Variants in PAQR3 observed in about 807,000 individuals in gnomAD.
PAQR3 encodes the protein Raf kinase trapping to Golgi.
A neutral mutation model predicts 41.7 loss-of-function variants in PAQR3; 39 were observed. The observed-to-expected ratio is 0.93, with a 90% CI of 0.72 to 1.22. The LOEUF (loss-of-function observed/expected upper bound fraction) is 1.22, where lower values mean the gene tolerates loss of function less well. Ranked by LOEUF, PAQR3 falls within the 50% of genes most tolerant of loss-of-function variation. The pLI is 0.00. For synonymous variants in PAQR3, 140 were observed against 140.6 expected (o/e 1.00, Z 0.03); for missense variants, 366 against 385.6 (o/e 0.95, Z 0.42).
At chr4:78,938,114 A>G in intron 1 of PAQR3, among the ~76,000 whole-genome samples, 1 of 152,232 alleles carries the variant, frequency 6.6e-6, no homozygotes, top group East Asian at 1.9e-4. Flanking sequence ...TGGAAAAATC[A>G]AGAATCAGAC....
In PAQR3 at chr4:78,918,666, A is replaced by G; in HGVS notation, c.*1873T>C. 1 of 951,980 alleles carries G rather than the reference A, an allele frequency of 1.1e-6. No homozygotes were observed. Among genetic ancestry groups the G allele is most frequent in the Non-Finnish European group, 1.3e-6 (1 of 799,500 alleles). The allele number at this position is 951,980 out of a possible 1,614,324, so 59.0% of individuals were successfully genotyped here. On this transcript the variant is annotated 3_prime_UTR_variant, in exon 6 of 6. Coordinates refer to ENST00000512733, the MANE Select transcript of PAQR3 (RefSeq NM_001040202.2). ...ATGGCAAGTATGTATTCATATACTAATACAGGGACTGCAAAAATTGAAATG... is the reference window on the plus strand; with the variant it reads ...ATGGCAAGTATGTATTCATATACTAGTACAGGGACTGCAAAAATTGAAATG...
chr4:78,925,926 A>T (rs1736169581), intron 4 of PAQR3, among the ~76,000 whole-genome samples: 1 of 152,278 alleles, frequency 6.6e-6, no homozygotes, highest in African/African-American at 2.4e-5. Flanking sequence ...TCTAACAAAT[A>T]GCTCTTCTTT....
intron 11 of PAQR3, among the ~76,000 whole-genome samples, chr4:78,903,343 T>G (rs985709358): frequency 6.6e-6 from 1 of 152,044 alleles, no homozygotes; most frequent in South Asian, 2.1e-4. Context: ...AATGCATAAA[T>G]GTACATAATT....
intron 11 of PAQR3, among the ~76,000 whole-genome samples, chr4:78,891,095 C>T (rs537683715): frequency 1.6e-4 from 24 of 152,216 alleles, no homozygotes; most frequent in African/African-American, 5.8e-4. Context: ...TAAACTGATA[C>T]CTGATTGATA....
chr4:78,903,344 G>T (rs1033301624), intron 11 of PAQR3, among the ~76,000 whole-genome samples: 1 of 151,876 alleles, frequency 6.6e-6, no homozygotes, highest in Non-Finnish European at 1.5e-5. Context: ...ATGCATAAAT[G>T]TACATAATTA....
Position 78,918,167 on chromosome 4 carries a change from CT to C in PAQR3, c.*2371del. 2.1e-6 allele frequency: 2 copies of C among 949,432 alleles called. No homozygotes were observed. The highest frequency in any genetic ancestry group is 1.3e-6 in the Non-Finnish European group (1 of 796,982). The allele number at this position is 949,432 out of a possible 1,614,324, so 58.8% of individuals were successfully genotyped here. A position where few individuals can be genotyped will look rare whatever the true frequency, so the allele number is the denominator to read the frequency against. ...AAATGTAAAATCTGTAGGCAAAAAG[CT>C]TTTATAGTTCACACATTGGTAAAAT... On this transcript the variant is annotated 3_prime_UTR_variant, in exon 6 of 6. Coordinates refer to ENST00000512733, the MANE Select transcript of PAQR3 (RefSeq NM_001040202.2).
At position 78,930,799 on chromosome 4, in the gene PAQR3, A is replaced by G. The variant is rs193087179; in HGVS notation, c.349-474T>C. On this transcript the variant is annotated intron_variant, in intron 2 of 5. Coordinates refer to ENST00000512733, the MANE Select transcript of PAQR3 (RefSeq NM_001040202.2). ...TATTCCCCAGAGGTGGCCAGTGATA[A>G]CATTTTTTATGTGTCTTTCCAGATA... 6.7e-3 allele frequency among the ~76,000 whole-genome samples: 1,013 copies of G among 152,116 alleles called. 9 individuals are homozygous for G. Among genetic ancestry groups the G allele is most frequent in the Non-Finnish European group, 0.011 (716 of 67,980 alleles).
intron 11 of PAQR3, among the ~76,000 whole-genome samples, chr4:78,889,963 C>T (rs940387312): frequency 2.0e-5 from 3 of 152,078 alleles, no homozygotes; most frequent in Non-Finnish European, 4.4e-5. Context: ...ATCTAGTGTT[C>T]CTTACACTGG....
At chr4:78,911,259 CAAG>C (rs772151373), downstream of PAQR3, 2 of 1,613,930 alleles carry the variant, frequency 1.2e-6, no homozygotes, top group Admixed American at 3.3e-5. Flanking sequence ...CGCCTTTTAG[CAAG>C]AAGGTGAATG....
In PAQR3 at chr4:78,918,650, A is replaced by G; in HGVS notation, c.*1889T>C. 1.1e-6 allele frequency: 1 copy of G among 947,300 alleles called. No homozygotes were observed. Among genetic ancestry groups the G allele is most frequent in the Non-Finnish European group, 1.3e-6 (1 of 795,154 alleles). The allele number at this position is 947,300 out of a possible 1,614,324, so 58.7% of individuals were successfully genotyped here. Reference sequence around the variant, plus strand: ...CATGTTATTAATTCAAATGGCAAGTATGTATTCATATACTAATACAGGGAC... The same window carrying G: ...CATGTTATTAATTCAAATGGCAAGTGTGTATTCATATACTAATACAGGGAC... On this transcript the variant is annotated 3_prime_UTR_variant, in exon 6 of 6. Transcript: ENST00000512733.
intron 11 of PAQR3, among the ~76,000 whole-genome samples, chr4:78,893,718 A>C (rs974372641): frequency 2.0e-5 from 3 of 152,128 alleles, no homozygotes; most frequent in African/African-American, 7.2e-5. Flanking sequence ...ATGCACTACA[A>C]CACCTGCGAA....
rs1560561951 is a variant in PAQR3, at chr4:78,912,183, A to G, written c.*8356T>C. On this transcript the variant is annotated 3_prime_UTR_variant, in exon 6 of 6. Coordinates refer to ENST00000512733, the MANE Select transcript of PAQR3 (RefSeq NM_001040202.2). The stretch of plus-strand genomic sequence containing the variant: ...ATTTCTAAATAAACCAAATAGAAGA[A>G]TGAAGTATCTCTACAGGGTAGTAAC... 1.4e-6 allele frequency: 1 copy of G among 727,826 alleles called. No homozygotes were observed. The allele number at this position is 727,826 out of a possible 1,614,324, so 45.1% of individuals were successfully genotyped here. A position where few individuals can be genotyped will look rare whatever the true frequency, so the allele number is the denominator to read the frequency against.
chr4:78,921,309 C>T (rs1185903112), intron 5 of PAQR3, among the ~76,000 whole-genome samples: 3 of 151,852 alleles, frequency 2.0e-5, no homozygotes, highest in Non-Finnish European at 2.9e-5. Context: ...AAACAATTAA[C>T]ATACGGAAAA....
chr4:78,927,320 G>A (rs985196374), intron 3 of PAQR3, among the ~76,000 whole-genome samples: 3 of 152,196 alleles, frequency 2.0e-5, no homozygotes, highest in African/African-American at 7.2e-5. Context: ...CACTGGCACT[G>A]GAGGAATAAC....
chr4:78,898,388 T>C (rs1252863445), intron 11 of PAQR3, among the ~76,000 whole-genome samples: 4 of 151,994 alleles, frequency 2.6e-5, no homozygotes, highest in Non-Finnish European at 5.9e-5. Context: ...TTTTAGATTC[T>C]AGTGTATGAT....
intron 11 of PAQR3, among the ~76,000 whole-genome samples, chr4:78,905,324 G>T (rs1466659324): frequency 6.6e-6 from 1 of 151,598 alleles, no homozygotes; most frequent in East Asian, 1.9e-4. Context: ...TAGTTCCAAA[G>T]CACAAAAACA....
chr4:78,887,445 C>G (rs747622187), intron 12 of PAQR3: 40 of 609,902 alleles, frequency 6.6e-5, no homozygotes, highest in Non-Finnish European at 1.0e-4. Context: ...ATGTTCTTTG[C>G]ATTGAGTTAT....
rs551761887 is a variant in PAQR3, at chr4:78,921,836, A to AT, written c.794-1156dup. 1,394 of 985,118 alleles carry AT rather than the reference A, an allele frequency of 1.4e-3. 14 individuals are homozygous for AT. In the South Asian group the frequency reaches 0.014, roughly 10 times the overall value. The allele number at this position is 985,118 out of a possible 1,614,324, so 61.0% of individuals were successfully genotyped here. On this transcript the variant is annotated intron_variant, in intron 5 of 5. Coordinates refer to ENST00000512733, the MANE Select transcript of PAQR3 (RefSeq NM_001040202.2). ...TATCACTTTTCACTGGAAAGACTTA[A>AT]TTTTTTAGTTTCCATATCTCCACTG...
chr4:78,904,794 T>G (rs942190591), intron 11 of PAQR3, among the ~76,000 whole-genome samples: 2 of 151,956 alleles, frequency 1.3e-5, no homozygotes, highest in Admixed American at 6.6e-5. Flanking sequence ...TTGAAATGGC[T>G]TAATTATTAA....
Sources: allele counts gnomAD v4.1 joint callset (sites outside exome capture counted in the v4.1 genomes callset), GRCh38; gene constraint gnomAD v4.1.1; transcripts MANE v1.5; gene names NCBI Gene and HGNC (gene_info 2026-07-23, HGNC 2026-07-21).